The following SERPINI1 variants were observed in gnomAD, a reference collection of about 807,000 sequenced individuals.
SERPINI1 encodes serpin family I member 1.
In SERPINI1, 19 loss-of-function variants were observed where a neutral mutation model predicts 41.1. The ratio of observed to expected loss-of-function variants is 0.46; its 90% CI spans 0.32 to 0.68. The LOEUF is 0.68. SERPINI1 is among the 30% of genes least tolerant of loss of function. The pLI, the probability that SERPINI1 is intolerant of heterozygous loss-of-function variation, is 0.03. For missense variants in SERPINI1, 460 were observed against 479.2 expected, an observed-to-expected ratio of 0.96 and a Z score of 0.37; for synonymous variants, 138 against 156.6, an observed-to-expected ratio of 0.88 and a Z score of 0.89.
At chr3:167,744,685 T>C (rs1725796078) in intron 1 of SERPINI1, among the ~76,000 whole-genome samples, 1 of 81,644 alleles carries the variant, frequency 1.2e-5, no homozygotes, top group African/African-American at 8.4e-5. Flanking sequence ...TAAATATATA[T>C]ATAAACATAT....
intron 1 of SERPINI1, among the ~76,000 whole-genome samples, chr3:167,771,214 A>G (rs540128754): frequency 6.6e-6 from 1 of 152,210 alleles, no homozygotes; most frequent in South Asian, 2.1e-4. Context: ...GAAATGCTAT[A>G]TATCTGAAAT....
intron 1 of SERPINI1, among the ~76,000 whole-genome samples, chr3:167,736,459 G>T (rs1255349436): frequency 6.6e-6 from 1 of 152,138 alleles, no homozygotes; most frequent in Non-Finnish European, 1.5e-5. Flanking sequence ...CTTCCCAGTG[G>T]CTCTGGAATA....
chr3:167,819,479 TCAA>T (rs1329103053), intron 6 of SERPINI1, among the ~76,000 whole-genome samples: 1 of 152,242 alleles, frequency 6.6e-6, no homozygotes, highest in Non-Finnish European at 1.5e-5. Flanking sequence ...TTTCTTCTAG[TCAA>T]CAAATACATT....
intron 1 of SERPINI1, among the ~76,000 whole-genome samples, chr3:167,770,669 G>A (rs1179274153): frequency 6.6e-6 from 1 of 151,986 alleles, no homozygotes; most frequent in Non-Finnish European, 1.5e-5. Flanking sequence ...GAAGAATAAG[G>A]TATCAATTTC....
intron 5 of SERPINI1, among the ~76,000 whole-genome samples, chr3:167,806,973 A>G (rs974253208): frequency 2.6e-5 from 4 of 152,156 alleles, no homozygotes; most frequent in Admixed American, 2.0e-4. Flanking sequence ...CTTGATCTCA[A>G]AACTCATTTG....
intron 6 of SERPINI1, among the ~76,000 whole-genome samples, chr3:167,811,499 A>G (rs1382593130): frequency 6.6e-6 from 1 of 152,062 alleles, no homozygotes; most frequent in East Asian, 1.9e-4. Flanking sequence ...AAGACATAGA[A>G]CAATATATGT....
At chr3:167,808,050 A>C (rs1711717802) in intron 6 of SERPINI1, among the ~76,000 whole-genome samples, 2 of 151,922 alleles carry the variant, frequency 1.3e-5, no homozygotes, top group African/African-American at 4.8e-5. Context: ...CCCAGGAGGC[A>C]GAGGTTGAAG....
In SERPINI1 at chr3:167,792,614, C is replaced by T; in HGVS notation, c.506C>T (p.Pro169Leu). ...TNNLVKDLVS[P>L]RDFDAATYLA... ...GATCTGGTGAAAGATTTGGTATCCC[C>T]AAGGGATTTTGATGCTGCCACTTAT... is the stretch of plus-strand genomic sequence containing the variant. The change falls in exon 4 of 9, where the codon CCA becomes CTA. Residue 169 changes from proline to leucine, a missense_variant. Transcript: ENST00000446050. The T allele has an allele frequency of 6.2e-7, 1 of 1,613,334 alleles. No homozygotes were observed. Among genetic ancestry groups the T allele is most frequent in the Non-Finnish European group, 8.5e-7 (1 of 1,179,728 alleles).
chr3:167,746,766 G>T (rs1377785189), intron 1 of SERPINI1, among the ~76,000 whole-genome samples: 3 of 152,186 alleles, frequency 2.0e-5, no homozygotes, highest in African/African-American at 7.2e-5. Context: ...ACAATAAAAA[G>T]TACTGGTGAG....
chr3:167,810,645 C>T (rs373095293), intron 6 of SERPINI1, among the ~76,000 whole-genome samples: 198 of 152,246 alleles, frequency 1.3e-3, no homozygotes, highest in African/African-American at 4.5e-3. Flanking sequence ...TTGATGGTTT[C>T]TAATAGACCA....
rs77503713 is a variant in SERPINI1, at chr3:167,791,364, C to T, written c.481+762C>T. Among the ~76,000 whole-genome samples the T allele has an allele frequency of 4.7e-3, 720 of 152,004 alleles. 4 individuals carry two copies. The highest frequency in any genetic ancestry group is 0.033 in the East Asian group (171 of 5,168). On this transcript the variant is annotated intron_variant, in intron 3 of 8. Transcript: ENST00000446050. ...ACATTGGAACAACAACAAAAATAACCCTGAACAGATACTCAATATCCCTTA... is the reference window on the plus strand; with the variant it reads ...ACATTGGAACAACAACAAAAATAACTCTGAACAGATACTCAATATCCCTTA...
intron 4 of SERPINI1, among the ~76,000 whole-genome samples, chr3:167,794,413 TA>T (rs1297209282): frequency 2.6e-5 from 4 of 152,264 alleles, no homozygotes; most frequent in East Asian, 1.9e-4. Flanking sequence ...CCTTTTTATT[TA>T]TTTTTTTTTA....
chr3:167,738,228 G>C (rs1725548455), intron 1 of SERPINI1, among the ~76,000 whole-genome samples: 1 of 152,122 alleles, frequency 6.6e-6, no homozygotes, highest in Non-Finnish European at 1.5e-5. Flanking sequence ...TGATGAGAAA[G>C]GAAAAGCAAC....
intron 6 of SERPINI1, among the ~76,000 whole-genome samples, chr3:167,817,557 A>AT (rs1402167981): frequency 6.6e-6 from 1 of 151,288 alleles, no homozygotes; most frequent in African/African-American, 2.4e-5. Context: ...CAAATATTCT[A>AT]TTTTTTTCCT....
intron 5 of SERPINI1, among the ~76,000 whole-genome samples, chr3:167,797,150 A>G (rs1727743248): frequency 6.6e-6 from 1 of 152,096 alleles, no homozygotes; most frequent in South Asian, 2.1e-4. Flanking sequence ...GGCTGCATAC[A>G]TGTCTTCTTT....
At chr3:167,747,118 AGCATG>A (rs1725883362) in intron 1 of SERPINI1, among the ~76,000 whole-genome samples, 1 of 152,258 alleles carries the variant, frequency 6.6e-6, no homozygotes, top group Non-Finnish European at 1.5e-5. Flanking sequence ...CTGATACTAC[AGCATG>A]GATGGCCCTT....
At chr3:167,739,209 C>A (rs1446161935) in intron 1 of SERPINI1, among the ~76,000 whole-genome samples, 2 of 150,886 alleles carry the variant, frequency 1.3e-5, no homozygotes, top group Non-Finnish European at 3.0e-5. Context: ...CTCTTAGAGA[C>A]CATGTACTTC....
At chr3:167,753,397 A>G (rs537488600) in intron 1 of SERPINI1, among the ~76,000 whole-genome samples, 1 of 152,272 alleles carries the variant, frequency 6.6e-6, no homozygotes, top group South Asian at 2.1e-4. Context: ...CTCTTTCACA[A>G]AGTTCCTTTC....
intron 1 of SERPINI1, among the ~76,000 whole-genome samples, chr3:167,772,864 CTATATATATA>C (rs1161668820): frequency 3.7e-4 from 9 of 24,646 alleles, no homozygotes; most frequent in Admixed American, 6.3e-4. Context: ...CTCTCTCTCT[CTATATATATA>C]TATATATATA....
Sources: allele counts gnomAD v4.1 joint callset (sites outside exome capture counted in the v4.1 genomes callset), GRCh38; gene constraint gnomAD v4.1.1; transcripts MANE v1.5; gene names NCBI Gene and HGNC (gene_info 2026-07-23, HGNC 2026-07-21).